The following TENT4B variants were observed in gnomAD, a reference collection of about 807,000 sequenced individuals.
The protein encoded by TENT4B is PAP associated domain containing 5.
A neutral mutation model predicts 75.0 loss-of-function variants in TENT4B; 10 were observed. That is an observed-to-expected ratio of 0.13 (90% CI 0.08 to 0.23). The LOEUF (loss-of-function observed/expected upper bound fraction) is 0.23. TENT4B is among the 10% of genes least tolerant of loss of function. The pLI is 1.00. For missense variants in TENT4B, 579 were observed against 893.8 expected (o/e 0.65, Z 4.49); for synonymous variants, 350 against 357.7 (o/e 0.98, Z 0.24).
intron 1 of TENT4B, among the ~76,000 whole-genome samples, chr16:50,164,176 A>G (rs1597222095): frequency 6.6e-6 from 1 of 151,706 alleles, no homozygotes; most frequent in Non-Finnish European, 1.5e-5. Flanking sequence ...TAAAAAATAA[A>G]AAAGAAAGAA....
chr16:50,153,813 C>T lies in TENT4B; in HGVS notation c.192C>T (p.Ser64=). The T allele has an allele frequency of 8.2e-7, 1 of 1,222,742 alleles. No individual in the cohort carries two copies. The highest frequency in any genetic ancestry group is 4.4e-5 in the Admixed American group (1 of 22,614). The allele number at this position is 1,222,742 out of a possible 1,614,324, so 75.7% of individuals were successfully genotyped here. A position where few individuals can be genotyped will look rare whatever the true frequency, so the allele number is the denominator to read the frequency against. Residue 64 remains serine, a synonymous_variant, in exon 1 of 12, where the codon AGC becomes AGT. Transcript: ENST00000561678. ...GCACGGCCACCGGCGGGAGCGGCAG[C>T]AGCACCGGCAGCCCCGGCGGCGCGG... ...SSSTATGGSG[S]STGSPGGAAS... is the part of the protein sequence containing the mutation.
intron 1 of TENT4B, among the ~76,000 whole-genome samples, chr16:50,159,789 G>A (rs773161588): frequency 2.6e-5 from 4 of 152,066 alleles, no homozygotes; most frequent in Admixed American, 1.3e-4. Context: ...AAGACATTAG[G>A]TTTTCTATAG....
intron 1 of TENT4B, among the ~76,000 whole-genome samples, chr16:50,203,595 C>T (rs2150725335): frequency 1.3e-5 from 2 of 152,364 alleles, no homozygotes; most frequent in Middle Eastern, 6.8e-3. Context: ...TAATTGCCTT[C>T]TTTAAGGACA....
At chr16:50,181,173 G>T (rs2038407812) in intron 1 of TENT4B, among the ~76,000 whole-genome samples, 1 of 152,126 alleles carries the variant, frequency 6.6e-6, no homozygotes, top group Non-Finnish European at 1.5e-5. Context: ...GTTTTTCTTT[G>T]TTTTTAACTG....
Position 50,227,917 on chromosome 16 carries a change from G to C in TENT4B, c.1879G>C (p.Asp627His). ...PSTGNRVGSQ[D>H]VSLESSQAVG... ...CACTGGGAACCGAGTAGGGTCGCAA[G>C]ATGTATCCTTGGAGTCCTCTCAGGC... Residue 627 changes from aspartate to histidine, a missense_variant, in exon 11 of 12, where the codon GAT becomes CAT. Transcript: ENST00000561678. 6.2e-7 allele frequency: 1 copy of C among 1,614,030 alleles called. No homozygotes were observed. The highest frequency in any genetic ancestry group is 8.5e-7 in the Non-Finnish European group (1 of 1,179,906).
At chr16:50,172,275 G>A (rs1299660820) in intron 1 of TENT4B, among the ~76,000 whole-genome samples, 1 of 151,892 alleles carries the variant, frequency 6.6e-6, no homozygotes, top group Admixed American at 6.6e-5. Context: ...GAATTGGGAG[G>A]CAGAGGTTGC....
At chr16:50,192,447 C>T (rs2150710734) in intron 1 of TENT4B, among the ~76,000 whole-genome samples, 1 of 152,030 alleles carries the variant, frequency 6.6e-6, no homozygotes, top group South Asian at 2.1e-4. Context: ...TATGAGTACA[C>T]AATAGGTGCA....
chr16:50,173,537 A>G (rs1439361558), intron 1 of TENT4B, among the ~76,000 whole-genome samples: 1 of 152,170 alleles, frequency 6.6e-6, no homozygotes, highest in African/African-American at 2.4e-5. Context: ...CAATGAATCA[A>G]GTTCCTGTCG....
intron 10 of TENT4B, among the ~76,000 whole-genome samples, chr16:50,226,069 C>T (rs2032038874): frequency 6.6e-6 from 1 of 151,374 alleles, no homozygotes; most frequent in Non-Finnish European, 1.5e-5. Flanking sequence ...GCATGATCTT[C>T]ACTCACCTCA....
chr16:50,152,988 G>C, upstream of TENT4B: 1 of 1,516,152 alleles, frequency 6.6e-7, no homozygotes, highest in Non-Finnish European at 8.8e-7. Context: ...CGGGGAAGCC[G>C]AGGCGGAGAA....
rs113878639 is a variant in TENT4B, at chr16:50,170,444, A to T, written c.638+16185A>T. 2.5e-3 allele frequency among the ~76,000 whole-genome samples: 377 copies of T among 152,308 alleles called. 2 individuals carry two copies. Among genetic ancestry groups the T allele is most frequent in the Admixed American group, 4.2e-3 (64 of 15,290 alleles). On this transcript the variant is annotated intron_variant, in intron 1 of 11. Transcript: ENST00000561678. Reference sequence around the variant, plus strand: ...GAATTTGTCCAGTGATTCCCCCAAGATATCCCCCAATCAAATATTTTAAAA... The same window carrying T: ...GAATTTGTCCAGTGATTCCCCCAAGTTATCCCCCAATCAAATATTTTAAAA...
At chr16:50,209,586 C>T (rs544814879) in intron 1 of TENT4B, among the ~76,000 whole-genome samples, 23 of 152,326 alleles carry the variant, frequency 1.5e-4, no homozygotes, top group African/African-American at 5.3e-4. Flanking sequence ...TATTGCATAG[C>T]AAACAGGCCG....
At chr16:50,157,478 A>G (rs916026455) in intron 1 of TENT4B, among the ~76,000 whole-genome samples, 1 of 152,240 alleles carries the variant, frequency 6.6e-6, no homozygotes, top group African/African-American at 2.4e-5. Context: ...ATTTCATCCT[A>G]AAGTCTTCAA....
At chr16:50,171,411 G>A (rs1211849891) in intron 1 of TENT4B, among the ~76,000 whole-genome samples, 1 of 151,990 alleles carries the variant, frequency 6.6e-6, no homozygotes, top group East Asian at 1.9e-4. Flanking sequence ...GGCTGTGGTG[G>A]GGAAAGTGGA....
At chr16:50,160,288 G>A (rs2037978816) in intron 1 of TENT4B, among the ~76,000 whole-genome samples, 1 of 152,066 alleles carries the variant, frequency 6.6e-6, no homozygotes, top group Non-Finnish European at 1.5e-5. Flanking sequence ...GCATTTCAGT[G>A]TTTGGACTTT....
Position 50,186,860 on chromosome 16 carries a change from G to A in TENT4B, c.639-24463G>A, listed in dbSNP as rs565049535. Among the ~76,000 whole-genome samples the A allele has an allele frequency of 1.4e-4, 22 of 152,122 alleles. No homozygotes were observed. In the South Asian group the frequency reaches 3.3e-3, roughly 23 times the overall value. ...CTCCCAAAGTGCTAGGATTGTAGGC[G>A]TGGGCCACTGCACTCTGCCAATTTT... On this transcript the variant is annotated intron_variant, in intron 1 of 11. Transcript: ENST00000561678.
At chr16:50,155,272 G>GGTGTGTGT (rs60683678) in intron 1 of TENT4B, among the ~76,000 whole-genome samples, 28,699 of 135,212 alleles carry the variant, frequency 0.21, 3,439 homozygotes, top group East Asian at 0.32. Context: ...GGGTCTCGTG[G>GGTGTGTGT]GTGTGTGTGT....
chr16:50,232,900 T>A lies in TENT4B; in HGVS notation c.*3572T>A. ...GAATGTTTCTAGGCAGTTGGTTGCT[T>A]CACAGTCAAAACTAAATGGTAAACT... On this transcript the variant is annotated 3_prime_UTR_variant, in exon 12 of 12. Transcript: ENST00000561678. The A allele has an allele frequency of 1.0e-6, 1 of 985,422 alleles. No individual in the cohort carries two copies. Among genetic ancestry groups the A allele is most frequent in the Non-Finnish European group, 1.2e-6 (1 of 829,904 alleles). 61.0% of individuals were successfully genotyped at this position (985,422 alleles called of 1,614,324 possible).
chr16:50,169,386 GGTTT>G, intron 1 of TENT4B, among the ~76,000 whole-genome samples: 1 of 83,244 alleles, frequency 1.2e-5, no homozygotes, highest in African/African-American at 4.3e-5. Context: ...AGATTTTGTG[GGTTT>G]TTTTTTTTTT....
Sources: allele counts gnomAD v4.1 joint callset (sites outside exome capture counted in the v4.1 genomes callset), GRCh38; gene constraint gnomAD v4.1.1; transcripts MANE v1.5; gene names NCBI Gene and HGNC (gene_info 2026-07-23, HGNC 2026-07-21).